Variants in CDAN1 observed in about 807,000 individuals in gnomAD.
CDAN1 encodes codanin 1.
CDAN1 carries 107 observed loss-of-function variants against 139.8 expected under a neutral mutation model. The observed-to-expected ratio is 0.77, with a 90% CI of 0.65 to 0.90. The LOEUF is 0.90. Among genes scored for constraint, CDAN1 ranks in the 40% least tolerant of loss-of-function variants. The pLI is 0.00. For synonymous variants in CDAN1, 776 were observed against 660.6 expected, an observed-to-expected ratio of 1.17 and a Z score of -2.68; for missense variants, 1,667 against 1,575.7, an observed-to-expected ratio of 1.06 and a Z score of -0.98.
chr15:42,724,666 A>AT, intron 27 of CDAN1, 50 bp from the exon 28 acceptor site: 1 of 1,546,436 alleles, frequency 6.5e-7, no homozygotes, highest in South Asian at 1.2e-5. Flanking sequence ...ATAATTCTCA[A>AT]TGGCTCATCC....
intron 6 of CDAN1, among the ~76,000 whole-genome samples, chr15:42,734,634 G>T (rs1385047822): frequency 1.3e-5 from 2 of 152,022 alleles, no homozygotes; most frequent in Non-Finnish European, 2.9e-5. Flanking sequence ...TGAGATGGGG[G>T]TCTCTGTCAC....
Position 42,729,191 on chromosome 15 carries a change from C to G in CDAN1, c.2541+38G>C, listed in dbSNP as rs200425031. The G allele has an allele frequency of 1.5e-4, 246 of 1,611,614 alleles. 1 individual carries two copies. The Admixed American group carries it at 2.7e-3, about 18-fold the overall frequency. On this transcript the variant is annotated intron_variant, in intron 18 of 27. Transcript: ENST00000356231. ...CTCCCTGTCCCCGCCCCCAACCCCC[C>G]CTCATTTTCCCCACGGCTGTCTCCG...
At chr15:42,735,849 T>C (rs748272344) in intron 3 of CDAN1, 26 bp downstream of exon 3, 3 of 1,612,758 alleles carry the variant, frequency 1.9e-6, no homozygotes, top group Non-Finnish European at 1.7e-6. Context: ...AGGAAACCGA[T>C]ATCCCCAGGA....
intron 6 of CDAN1, 79 bp from the exon 7 acceptor site, chr15:42,734,425 G>A (rs2061659347): frequency 6.4e-7 from 1 of 1,573,306 alleles, no homozygotes; most frequent in African/African-American, 1.4e-5. Context: ...CACCACAGAG[G>A]ATCTCTAAGG....
rs751764201 is a variant in CDAN1, at chr15:42,733,106, C to T, written c.1448G>A (p.Ser483Asn). ...PGWDFEKGLG[S>N]RIRAMMGQLS... ...AGGTCTGAGCACCCACCTGATTCTG[C>T]TGCCCAAGCCCTTCTCAAAATCCCA... is the stretch of plus-strand genomic sequence containing the variant. The change falls in exon 9 of 28, where the codon AGC becomes AAC. Residue 483 changes from serine (S) to asparagine (N), a missense_variant. Around this residue, in one of 3 missense-constraint regions of CDAN1, gnomAD observed 244 missense variants for 309.4 expected, o/e 0.79. Transcript: ENST00000356231. 5.5e-5 allele frequency: 88 copies of T among 1,613,898 alleles called. No individual in the cohort carries two copies. The highest frequency in any genetic ancestry group is 7.5e-5 in the Non-Finnish European group (88 of 1,179,946).
intron 1 of CDAN1, 72 bp from the exon 2 acceptor site, chr15:42,736,852 G>C (rs1204356533): frequency 1.3e-5 from 19 of 1,453,794 alleles, no homozygotes; most frequent in Non-Finnish European, 1.5e-5. Context: ...AGCCGGGGCC[G>C]TAGGGCGCGC....
chr15:42,729,576 G>A lies in CDAN1; in HGVS notation c.2399C>T (p.Pro800Leu). 6.2e-7 allele frequency: 1 copy of A among 1,614,126 alleles called. No individual in the cohort carries two copies. The highest frequency in any genetic ancestry group is 1.1e-5 in the South Asian group (1 of 91,068). ...VDQQLLYTCC[P>L]YIGELRKLLA... Reference sequence around the variant, plus strand: ...GGAAGACCGGTGCTCACCGATGTAGGGGCAGCAGGTGTAGAGCAGCTGCTG... The same window carrying A: ...GGAAGACCGGTGCTCACCGATGTAGAGGCAGCAGGTGTAGAGCAGCTGCTG... Residue 800 changes from proline (P) to leucine (L), a missense_variant, in exon 17 of 28, where the codon CCC becomes CTC. Pro to Leu is a moderately conservative substitution (Grantham distance 98). Coordinates refer to ENST00000356231, the MANE Select transcript of CDAN1 (RefSeq NM_138477.4).
At chr15:42,730,078 C>G in intron 15 of CDAN1, 50 bp downstream of exon 15, 1 of 1,537,176 alleles carries the variant, frequency 6.5e-7, no homozygotes, top group African/African-American at 1.4e-5. Flanking sequence ...GCCCACTCCC[C>G]ATCTTCAGCT....
intron 20 of CDAN1, 24 bp from the exon 21 acceptor site, chr15:42,728,291 G>A (rs969290235): frequency 1.2e-6 from 2 of 1,612,170 alleles, no homozygotes. Flanking sequence ...GATGGGGTCA[G>A]TGATCTCTGG....
At position 42,731,610 on chromosome 15, in the gene CDAN1, G is replaced by A; in HGVS notation, c.1739+10C>T. The A allele has an allele frequency of 6.2e-7, 1 of 1,613,678 alleles. No homozygotes were observed. The highest frequency in any genetic ancestry group is 8.5e-7 in the Non-Finnish European group (1 of 1,179,826). The stretch of plus-strand genomic sequence containing the variant: ...CTGCCCCATTCCTTGCAAGACACAG[G>A]GGAGCCTACCTGCTGGCACTAAGGA... On this transcript the variant is annotated intron_variant, in intron 11 of 27. Coordinates refer to ENST00000356231, the MANE Select transcript of CDAN1 (RefSeq NM_138477.4).
intron 27 of CDAN1, 73 bp downstream of exon 27, chr15:42,725,071 T>C: frequency 7.7e-7 from 1 of 1,292,790 alleles, no homozygotes; most frequent in Non-Finnish European, 1.1e-6. Flanking sequence ...GCCCCATCAC[T>C]TGCTTCCTTT....
chr15:42,736,592 G>A lies in CDAN1; in HGVS notation c.279C>T (p.Ser93=), dbSNP rs1447813983. The stretch of plus-strand genomic sequence containing the variant: ...GGAAAAGCTGGCTGCGCGCCCCGCG[G>A]CTACCCCGCGGCGGGCCTCCCGGCC... ...PGRPGGPPRG[S]RGARSQLFPP... The change falls in exon 2 of 28, where the codon AGC becomes AGT. Residue 93 remains serine, a synonymous_variant. Coordinates refer to ENST00000356231, the MANE Select transcript of CDAN1 (RefSeq NM_138477.4). 1.8e-5 allele frequency: 27 copies of A among 1,498,706 alleles called. No homozygotes were observed. The East Asian group carries it at 6.5e-4, about 36-fold the overall frequency. 92.8% of individuals were successfully genotyped at this position (1,498,706 alleles called of 1,614,324 possible).
intron 21 of CDAN1, 21 bp downstream of exon 21, chr15:42,728,183 G>A (rs756751239): frequency 1.2e-5 from 20 of 1,612,272 alleles, no homozygotes; most frequent in South Asian, 9.9e-5. Context: ...CCTGCTAGCT[G>A]CAGGCCTCCC....
chr15:42,735,402 G>T, intron 4 of CDAN1, 28 bp from the exon 5 acceptor site: 1 of 1,586,814 alleles, frequency 6.3e-7, no homozygotes. Flanking sequence ...GAAAGCCCAT[G>T]GTATGGGCAC....
chr15:42,725,704 G>A, intron 25 of CDAN1, 34 bp from the exon 26 acceptor site: 1 of 1,611,098 alleles, frequency 6.2e-7, no homozygotes, highest in Non-Finnish European at 8.5e-7. Flanking sequence ...TTTAAAAGAT[G>A]GGGGCAGGCC....
Position 42,736,658 on chromosome 15 carries a change from G to A in CDAN1, c.213C>T (p.Thr71=). 6.5e-7 allele frequency: 1 copy of A among 1,537,452 alleles called. No individual in the cohort carries two copies. The highest frequency in any genetic ancestry group is 1.2e-5 in the South Asian group (1 of 82,482). Residue 71 remains threonine, a synonymous_variant, in exon 2 of 28, where the codon ACC becomes ACT. Coordinates refer to ENST00000356231, the MANE Select transcript of CDAN1 (RefSeq NM_138477.4). ...CCGAGGCGCCCGGGGTCTTGGCGGG[G>A]GTCGGGGGCCCCTGCGGGAGGACGC... is the stretch of plus-strand genomic sequence containing the variant. ...SSRVLPQGPP[T]PAKTPGASAA...
At chr15:42,730,796 G>A in intron 13 of CDAN1, 32 bp from the exon 14 acceptor site, 1 of 1,612,772 alleles carries the variant, frequency 6.2e-7, no homozygotes, top group Non-Finnish European at 8.5e-7. Flanking sequence ...CAGGGGGCAG[G>A]TCCCTAGGAA....
chr15:42,727,805 G>GGA, intron 22 of CDAN1, 36 bp from the exon 23 acceptor site: 22 of 1,610,402 alleles, frequency 1.4e-5, no homozygotes, highest in Non-Finnish European at 1.8e-5. Context: ...AGGAATCACG[G>GGA]GAGGGCCCTG....
At chr15:42,725,337 G>T (rs1421049237) in intron 26 of CDAN1, 86 bp from the exon 27 acceptor site, 3 of 1,483,346 alleles carry the variant, frequency 2.0e-6, no homozygotes, top group Non-Finnish European at 2.8e-6. Flanking sequence ...GGGCAGAGCT[G>T]CTGGGAAGAG....
Sources: allele counts gnomAD v4.1 joint callset (sites outside exome capture counted in the v4.1 genomes callset), GRCh38; gene constraint gnomAD v4.1.1; regional missense constraint gnomAD v4.1.1; transcripts MANE v1.5; gene names NCBI Gene and HGNC (gene_info 2026-07-23, HGNC 2026-07-21).